The following ASB10 variants were observed in gnomAD, a reference collection of about 807,000 sequenced individuals.
ASB10 encodes ankyrin repeat and SOCS box containing 10.
ASB10 carries 44 observed loss-of-function variants against 35.4 expected under a neutral mutation model. The ratio of observed to expected loss-of-function variants is 1.24; its 90% CI spans 0.98 to 1.60. The LOEUF (loss-of-function observed/expected upper bound fraction) is 1.60. Ranked by LOEUF, ASB10 falls within the 40% of genes most tolerant of loss-of-function variation. ASB10 has a pLI of 0.00. For missense variants in ASB10, 647 were observed against 634.3 expected, an observed-to-expected ratio of 1.02 and a Z score of -0.22; for synonymous variants, 294 against 280.4, an observed-to-expected ratio of 1.05 and a Z score of -0.49.
rs535555854 is a variant in ASB10 at position 151,183,355 on chromosome 7, T to C, written c.585-1897A>G. Among the ~76,000 whole-genome samples the C allele has an allele frequency of 2.8e-3, 421 of 152,318 alleles. 1 individual carries two copies. The highest frequency in any genetic ancestry group is 9.5e-3 in the African/African-American group (395 of 41,578). ...AGTAGTTTGAGGCTGCAGTGAGCTA[T>C]GAACGTACCACTGGACATCCAGACT... On this transcript the variant is annotated intron_variant, in intron 2 of 5. Transcript: ENST00000420175.
chr7:151,179,313 A>G (rs1801445686), intron 3 of ASB10, among the ~76,000 whole-genome samples: 1 of 152,242 alleles, frequency 6.6e-6, no homozygotes, highest in Non-Finnish European at 1.5e-5. Flanking sequence ...TCCAGAGCCT[A>G]CACTCCTAGT....
intron 3 of ASB10, among the ~76,000 whole-genome samples, chr7:151,177,031 G>C (rs1401800639): frequency 1.3e-5 from 2 of 152,226 alleles, no homozygotes; most frequent in Non-Finnish European, 2.9e-5. Context: ...GAAACCACTG[G>C]AAGCTACAAG....
chr7:151,184,275 C>T (rs1341532759), intron 2 of ASB10, among the ~76,000 whole-genome samples: 3 of 151,532 alleles, frequency 2.0e-5, no homozygotes, highest in African/African-American at 4.9e-5. Context: ...TAGCCGGGTG[C>T]GGTGGTGGGC....
chr7:151,180,802 T>A, intron 3 of ASB10, 137 bp downstream of exon 3: 1 of 1,399,872 alleles, frequency 7.1e-7, no homozygotes, highest in South Asian at 1.7e-5. Flanking sequence ...TGGGCTTTGC[T>A]TACATGCTGA....
rs1485200291 is a variant in ASB10 at position 151,176,543 on chromosome 7, T to C, written c.1218+20A>G. 1 of 1,545,446 alleles carries C rather than the reference T, an allele frequency of 6.5e-7. No homozygotes were observed. The highest frequency in any genetic ancestry group is 1.2e-5 in the South Asian group (1 of 83,822). On this transcript the variant is annotated intron_variant, in intron 4 of 5. Coordinates refer to ENST00000420175, the MANE Select transcript of ASB10 (RefSeq NM_001142459.2). ...GGGACCAGGATGAGAAGCTCTATGT[T>C]CAGGGCCTTGGAATCTGACCTGCAG...
Position 151,176,521 on chromosome 7 carries a change from A to G in ASB10, c.1218+42T>C, listed in dbSNP as rs310598. 579,373 of 1,522,122 alleles carry G rather than the reference A, an allele frequency of 0.38. 114,667 individuals are homozygous for G. The highest frequency in any genetic ancestry group is 0.68 in the African/African-American group (49,030 of 72,280). 94.3% of individuals were successfully genotyped at this position (1,522,122 alleles called of 1,614,324 possible). A position where few individuals can be genotyped will look rare whatever the true frequency, so the allele number is the denominator to read the frequency against. On this transcript the variant is annotated intron_variant, in intron 4 of 5. Transcript: ENST00000420175. ...CGGTTTAGCGGGTGGGAGTCTTGGGACCAGGATGAGAAGCTCTATGTTCAG... is the reference window on the plus strand; with the variant it reads ...CGGTTTAGCGGGTGGGAGTCTTGGGGCCAGGATGAGAAGCTCTATGTTCAG...
chr7:151,185,370 C>T (rs148798419), intron 2 of ASB10, among the ~76,000 whole-genome samples: 1,677 of 152,230 alleles, frequency 0.011, 35 homozygotes, highest in African/African-American at 0.038. Flanking sequence ...CCACCTGCCT[C>T]AGCCTCCCAA....
Position 151,187,103 on chromosome 7 carries a change from A to G in ASB10, c.28T>C (p.Cys10Arg). ...TCGAGGGGCTCTCCCTGCCCCTTGC[A>G]CTCTTCTGGAGACCAACTCATGAGC... MLMSWSPEE[C>R]KGQGEPLDDR... Residue 10 changes from cysteine to arginine, a missense_variant, in exon 1 of 6, where the codon TGC becomes CGC. Coordinates refer to ENST00000420175, the MANE Select transcript of ASB10 (RefSeq NM_001142459.2). This position sits in a 1 kb window ranked among gnomAD's most constrained non-coding sequence, Gnocchi z 5.3. 2 of 1,596,632 alleles carry G rather than the reference A, an allele frequency of 1.3e-6. No individual in the cohort carries two copies. The highest frequency in any genetic ancestry group is 1.7e-6 in the Non-Finnish European group (2 of 1,171,882).
Position 151,186,834 on chromosome 7 carries a change from G to A in ASB10, c.297C>T (p.Arg99=). 6.2e-7 allele frequency: 1 copy of A among 1,602,056 alleles called. No homozygotes were observed. Among genetic ancestry groups the A allele is most frequent in the Non-Finnish European group, 8.5e-7 (1 of 1,171,744 alleles). ...TSDPERWRDF[R]FNIRALRLWS... ...CCGTACTCAGAGCACGGATGTTGAA[G>A]CGGAAATCCCTCCATCGCTCTGGGT... is the stretch of plus-strand genomic sequence containing the variant. Residue 99 remains arginine (R), a synonymous_variant, in exon 1 of 6, where the codon CGC becomes CGT. Coordinates refer to ENST00000420175, the MANE Select transcript of ASB10 (RefSeq NM_001142459.2).
rs1190018386 is a variant in ASB10, at chr7:151,176,174, G to A, written c.1342C>T (p.Leu448Phe). The A allele has an allele frequency of 1.2e-6, 2 of 1,611,532 alleles. No individual in the cohort carries two copies. Among genetic ancestry groups the A allele is most frequent in the African/African-American group, 1.3e-5 (1 of 74,902 alleles). ...CGGAGCAGGCGCGGTGGCAGGGGGA[G>A]GCGGGGCAGCGCTTGGGGCAGGCTG... is the stretch of plus-strand genomic sequence containing the variant. The part of the protein sequence containing the change: ...EGSLPQALPR[L>F]PLPPRLLRYL... The change falls in exon 5 of 6, where the codon CTC becomes TTC. Residue 448 changes from leucine (L) to phenylalanine (F), a missense_variant. Coordinates refer to ENST00000420175, the MANE Select transcript of ASB10 (RefSeq NM_001142459.2).
At position 151,186,511 on chromosome 7, in the gene ASB10, G is replaced by A; in HGVS notation, c.465C>T (p.Ala155=). 2 of 1,602,802 alleles carry A rather than the reference G, an allele frequency of 1.2e-6. No individual in the cohort carries two copies. Among genetic ancestry groups the A allele is most frequent in the Non-Finnish European group, 1.7e-6 (2 of 1,175,096 alleles). Residue 155 remains alanine (A), a synonymous_variant, in exon 2 of 6, where the codon GCC becomes GCT. Coordinates refer to ENST00000420175, the MANE Select transcript of ASB10 (RefSeq NM_001142459.2). ...CACAGGCAGTGTGGCCTGCAGCACAGGCCTCGTGCAGGGCGGTGCGGCCCC... is the reference window on the plus strand; with the variant it reads ...CACAGGCAGTGTGGCCTGCAGCACAAGCCTCGTGCAGGGCGGTGCGGCCCC... The part of the protein sequence containing the change: ...APGGRTALHE[A]CAAGHTACVH...
chr7:151,187,573 C>T, upstream of ASB10: 21 of 1,551,314 alleles, frequency 1.4e-5, no homozygotes, highest in Non-Finnish European at 1.6e-5. The surrounding 1 kb of genome is among the most constrained non-coding windows in gnomAD (Gnocchi z 5.3). Flanking sequence ...GGGCATTCTG[C>T]AGGGCCATGT....
chr7:151,186,643 T>C lies in ASB10; in HGVS notation c.333A>G (p.Thr111=), dbSNP rs1305004862. Residue 111 remains threonine (T), a synonymous_variant, in exon 2 of 6, where the codon ACA becomes ACG. Transcript: ENST00000420175. ...NIRALRLWSL[T]YEEELTTPLH... ...GTGGGGTGGTCAGCTCCTCTTCGTA[T>C]GTCAGAGACCAGAGTCCTAGGGAGG... The C allele has an allele frequency of 1.2e-6, 2 of 1,610,380 alleles. No homozygotes were observed. The highest frequency in any genetic ancestry group is 2.7e-5 in the African/African-American group (2 of 74,900).
At chr7:151,178,406 G>A (rs559457375) in intron 3 of ASB10, among the ~76,000 whole-genome samples, 68 of 152,356 alleles carry the variant, frequency 4.5e-4, no homozygotes, top group African/African-American at 1.5e-3. Context: ...CACGTGGTCA[G>A]AAAAGTGGCC....
In ASB10 at chr7:151,176,185, G is replaced by T. The variant is rs1801383398; in HGVS notation, c.1331C>A (p.Ala444Glu). The T allele has an allele frequency of 6.2e-7, 1 of 1,611,078 alleles. No individual in the cohort carries two copies. Among genetic ancestry groups the T allele is most frequent in the South Asian group, 1.1e-5 (1 of 90,930 alleles). The change falls in exon 5 of 6, where the codon GCG becomes GAG. Residue 444 changes from alanine to glutamate, a missense_variant. Physicochemically the swap from Ala to Glu is moderately radical, Grantham distance 107. Transcript: ENST00000420175. ...RSHLEGSLPQ[A>E]LPRLPLPPRL... is the part of the protein sequence containing the mutation. ...CGGTGGCAGGGGGAGGCGGGGCAGC[G>T]CTTGGGGCAGGCTGCCCTCCAGGTG...
upstream of ASB10, chr7:151,187,398 C>T (rs1284974196): frequency 1.3e-6 from 2 of 1,549,722 alleles, no homozygotes; most frequent in Non-Finnish European, 1.7e-6. This position sits in a 1 kb window ranked among gnomAD's most constrained non-coding sequence, Gnocchi z 5.3. Context: ...ACCTCTGTGG[C>T]CGAGGCAGTC....
At chr7:151,187,436 C>T (rs1157789686), upstream of ASB10, 2 of 1,551,120 alleles carry the variant, frequency 1.3e-6, no homozygotes, top group Non-Finnish European at 8.7e-7. The surrounding 1 kb of genome is among the most constrained non-coding windows in gnomAD (Gnocchi z 5.3). Flanking sequence ...CTCAGCAACC[C>T]CCAGATGCCC....
chr7:151,187,717 G>A (rs1416424054), upstream of ASB10: 4 of 1,468,184 alleles, frequency 2.7e-6, no homozygotes, highest in Non-Finnish European at 2.7e-6. The surrounding 1 kb of genome is among the most constrained non-coding windows in gnomAD (Gnocchi z 5.3). Flanking sequence ...TCTTTCCCCA[G>A]GGCATGGCTT....
At chr7:151,176,386 G>A in intron 4 of ASB10, 89 bp from the exon 5 acceptor site, 1 of 1,481,294 alleles carries the variant, frequency 6.8e-7, no homozygotes, top group South Asian at 1.4e-5. Context: ...GAGGGGTGGG[G>A]CATCTACCGG....
Sources: gnomAD v4.1 joint callset for allele counts (sites outside exome capture counted in the v4.1 genomes callset) on GRCh38, gnomAD v4.1.1 for gene constraint, Gnocchi (gnomAD v3.1) non-coding constraint, MANE v1.5 for transcripts, NCBI Gene and HGNC (gene_info 2026-07-23, HGNC 2026-07-21) for gene names.